HIVEP3: variants seen among roughly 807,000 people sequenced by gnomAD.
HIVEP3 encodes HIVEP zinc finger 3.
Under a neutral mutation model 152.8 loss-of-function variants are expected in HIVEP3, and 49 were observed. The observed-to-expected ratio is 0.32, with a 90% CI of 0.26 to 0.41. The LOEUF (loss-of-function observed/expected upper bound fraction) is 0.41, where lower values mean the gene tolerates loss of function less well. HIVEP3 is among the 10% of genes least tolerant of loss of function. The pLI is 1.00. For synonymous variants in HIVEP3, 1,269 were observed against 1,289.0 expected, an observed-to-expected ratio of 0.98 and a Z score of 0.33; for missense variants, 2,790 against 3,103.3, an observed-to-expected ratio of 0.90 and a Z score of 2.40.
At chr1:41,754,515 G>A (rs530319353) in intron 1 of HIVEP3, among the ~76,000 whole-genome samples, 2 of 152,196 alleles carry the variant, frequency 1.3e-5, no homozygotes, top group East Asian at 1.9e-4. Context: ...TCTGCAGAGC[G>A]ATGCCTGCCT....
rs146476587 is a variant in HIVEP3, at chr1:41,570,121, C to T, written c.5207+5423G>A. Among the ~76,000 whole-genome samples the T allele has an allele frequency of 9.5e-3, 1,443 of 152,182 alleles. 24 individuals carry two copies. The highest frequency in any genetic ancestry group is 0.033 in the African/African-American group (1,360 of 41,490). On this transcript the variant is annotated intron_variant, in intron 5 of 8. Coordinates refer to ENST00000372583, the MANE Select transcript of HIVEP3 (RefSeq NM_024503.5). ...CAACCTGTAGATGGTGTATAGATCA[C>T]GTTGGGACTGAGTTTAGAGGAAGAG... is the stretch of plus-strand genomic sequence containing the variant.
chr1:41,881,866 A>C (rs1484078250), intron 1 of HIVEP3, among the ~76,000 whole-genome samples: 1 of 152,218 alleles, frequency 6.6e-6, no homozygotes. Context: ...CACTGTAGTA[A>C]ACTGTACCAA....
chr1:41,861,596 C>G (rs1643888211), intron 1 of HIVEP3, among the ~76,000 whole-genome samples: 1 of 152,174 alleles, frequency 6.6e-6, no homozygotes, highest in African/African-American at 2.4e-5. Flanking sequence ...ACTGTGAGCG[C>G]CGCATGAGAC....
intron 1 of HIVEP3, among the ~76,000 whole-genome samples, chr1:41,826,185 T>C (rs1245992323): frequency 6.6e-6 from 1 of 152,208 alleles, no homozygotes; most frequent in Non-Finnish European, 1.5e-5. Flanking sequence ...GCATGTCTAT[T>C]GCTCATTAAC....
At chr1:41,875,737 CT>C (rs1481251719) in intron 1 of HIVEP3, among the ~76,000 whole-genome samples, 3 of 152,246 alleles carry the variant, frequency 2.0e-5, no homozygotes, top group African/African-American at 7.2e-5. Flanking sequence ...TGCCCCGTCA[CT>C]GGTACAGGCT....
At chr1:41,957,815 C>A (rs1465880223) in intron 1 of HIVEP3, among the ~76,000 whole-genome samples, 1 of 152,184 alleles carries the variant, frequency 6.6e-6, no homozygotes, top group South Asian at 2.1e-4. Context: ...GACATGGCAC[C>A]AGCTCCCGTC....
At chr1:41,960,761 T>A (rs565385741) in intron 1 of HIVEP3, among the ~76,000 whole-genome samples, 1 of 152,198 alleles carries the variant, frequency 6.6e-6, no homozygotes, top group Non-Finnish European at 1.5e-5. Flanking sequence ...TACAGCCCCA[T>A]ACGAAGTGCT....
At chr1:41,951,268 G>A (rs1307097323) in intron 1 of HIVEP3, among the ~76,000 whole-genome samples, 1 of 152,242 alleles carries the variant, frequency 6.6e-6, no homozygotes, top group Non-Finnish European at 1.5e-5. Flanking sequence ...AACTCATGGT[G>A]ATAGAGTTCA....
intron 5 of HIVEP3, among the ~76,000 whole-genome samples, chr1:41,545,191 A>C (rs1330871620): frequency 2.5e-3 from 117 of 46,888 alleles, no homozygotes; most frequent in Admixed American, 3.6e-3. Context: ...ACCATCACCA[A>C]CACCACCACC....
intron 1 of HIVEP3, among the ~76,000 whole-genome samples, chr1:41,809,400 GC>G (rs1650819001): frequency 6.6e-6 from 1 of 152,202 alleles, no homozygotes; most frequent in Non-Finnish European, 1.5e-5. Flanking sequence ...GCCACGTGAT[GC>G]CCATGGCAGG....
At chr1:41,608,117 CA>C (rs1281067528) in intron 3 of HIVEP3, among the ~76,000 whole-genome samples, 1 of 152,216 alleles carries the variant, frequency 6.6e-6, no homozygotes, top group African/African-American at 2.4e-5. Context: ...ATACTAACTA[CA>C]TAGGGCTTCC....
chr1:41,920,563 G>A (rs536836190), upstream of HIVEP3, among the ~76,000 whole-genome samples: 17 of 146,962 alleles, frequency 1.2e-4, no homozygotes, highest in South Asian at 3.8e-3. Flanking sequence ...GTAAGACTGG[G>A]TGAAAACAAG....
intron 1 of HIVEP3, among the ~76,000 whole-genome samples, chr1:41,835,522 C>T (rs1643095747): frequency 6.6e-6 from 1 of 152,208 alleles, no homozygotes; most frequent in Non-Finnish European, 1.5e-5. Flanking sequence ...GGAGTTAGGG[C>T]TTCAACATAT....
At chr1:41,703,318 T>C (rs1646389569) in intron 1 of HIVEP3, among the ~76,000 whole-genome samples, 1 of 152,220 alleles carries the variant, frequency 6.6e-6, no homozygotes, top group Non-Finnish European at 1.5e-5. Context: ...TTTGGTGTTA[T>C]TTTAACATGA....
intron 1 of HIVEP3, among the ~76,000 whole-genome samples, chr1:41,782,307 G>C (rs1385274640): frequency 6.6e-6 from 1 of 152,206 alleles, no homozygotes; most frequent in African/African-American, 2.4e-5. Flanking sequence ...AGGGGCTGTG[G>C]GCAGAAGGGA....
At position 41,579,046 on chromosome 1, in the gene HIVEP3, T is replaced by C. The variant is rs149751266; in HGVS notation, c.5061+691A>G. Among the ~76,000 whole-genome samples, 53 of 152,350 alleles carry C rather than the reference T, an allele frequency of 3.5e-4. No individual in the cohort carries two copies. The East Asian group carries it at 0.01, about 29-fold the overall frequency. On this transcript the variant is annotated intron_variant, in intron 4 of 8. Transcript: ENST00000372583. ...GCTTTCAGGGGACGAGTTCATTTTA[T>C]AGCTCCTGATGTAGCCTCAGATCAA...
At position 41,510,343 on chromosome 1, in the gene HIVEP3, G is replaced by A. The variant is rs1236353706; in HGVS notation, c.*108C>T. On this transcript the variant is annotated 3_prime_UTR_variant, in exon 9 of 9. Transcript: ENST00000372583. ...AACAGATGGGGCCGTGAGAGCTCCT[G>A]GACGGAGGGACAGATGGGGCTGAGG... The A allele has an allele frequency of 4.0e-6, 4 of 1,003,870 alleles. No homozygotes were observed. In the Admixed American group the frequency reaches 1.1e-4, roughly 27 times the overall value. The allele number at this position is 1,003,870 out of a possible 1,614,324, so 62.2% of individuals were successfully genotyped here. A position where few individuals can be genotyped will look rare whatever the true frequency, so the allele number is the denominator to read the frequency against.
At chr1:41,785,369 A>G (rs1170409479) in intron 1 of HIVEP3, among the ~76,000 whole-genome samples, 1 of 152,232 alleles carries the variant, frequency 6.6e-6, no homozygotes, top group Admixed American at 6.5e-5. Context: ...AATTTTACAT[A>G]CTTCGAGCAA....
At chr1:41,524,714 C>T in intron 6 of HIVEP3, 21 bp downstream of exon 6, 2 of 1,610,888 alleles carry the variant, frequency 1.2e-6, no homozygotes, top group Non-Finnish European at 1.7e-6. Context: ...AGGGGCAGTG[C>T]CCCAGCTGAC....
Sources: allele counts gnomAD v4.1 joint callset (sites outside exome capture counted in the v4.1 genomes callset), GRCh38; gene constraint gnomAD v4.1.1; transcripts MANE v1.5; gene names NCBI Gene and HGNC (gene_info 2026-07-23, HGNC 2026-07-21).